MTHFD2L: variants seen among roughly 807,000 people sequenced by gnomAD.
MTHFD2L encodes the protein bifunctional methylenetetrahydrofolate dehydrogenase/cyclohydrolase 2, mitochondrial.
Under a neutral mutation model 34.9 loss-of-function variants are expected in MTHFD2L, and 29 were observed. The observed-to-expected ratio is 0.83, with a 90% CI of 0.62 to 1.13. MTHFD2L has a LOEUF of 1.13. MTHFD2L is among the 50% of genes most tolerant of loss of function. The probability of loss-of-function intolerance (pLI) is 0.00; values close to 1 mark genes in which losing one functional copy is unlikely to be tolerated. For synonymous variants in MTHFD2L, 167 were observed against 155.7 expected (o/e 1.07, Z -0.54); for missense variants, 481 against 446.5 (o/e 1.08, Z -0.70).
Position 74,225,288 on chromosome 4 carries a change from C to G in MTHFD2L, c.713-14C>G. The G allele has an allele frequency of 6.3e-7, 1 of 1,596,486 alleles. No individual in the cohort carries two copies. Among genetic ancestry groups the G allele is most frequent in the Non-Finnish European group, 8.5e-7 (1 of 1,170,112 alleles). On this transcript the variant is annotated splice_polypyrimidine_tract_variant and intron_variant, in intron 5 of 7. Transcript: ENST00000325278. ...AGTTCAGTAATCACTGATAGAAATT[C>G]TTCTGTATTCCAGGTGATGCAACTG...
intron 1 of MTHFD2L, among the ~76,000 whole-genome samples, chr4:74,165,315 C>A (rs1726444241): frequency 6.6e-6 from 1 of 152,058 alleles, no homozygotes; most frequent in African/African-American, 2.4e-5. Flanking sequence ...TCTTTTAACA[C>A]CTTGATCCTG....
chr4:74,158,762 T>C (rs1284078086), intron 1 of MTHFD2L, among the ~76,000 whole-genome samples: 6 of 152,212 alleles, frequency 3.9e-5, no homozygotes, highest in African/African-American at 1.4e-4. Flanking sequence ...CAAAACCAAA[T>C]ATCAATCCAG....
At chr4:74,228,388 A>T (rs902061546) in intron 6 of MTHFD2L, among the ~76,000 whole-genome samples, 15 of 152,236 alleles carry the variant, frequency 9.9e-5, no homozygotes, top group Admixed American at 2.0e-4. Flanking sequence ...TGAAGTTTAC[A>T]TTATCCTTAA....
At chr4:74,211,690 TGGCCTCATAAAATGA>T (rs1029332201) in intron 5 of MTHFD2L, among the ~76,000 whole-genome samples, 28 of 152,344 alleles carry the variant, frequency 1.8e-4, no homozygotes, top group African/African-American at 6.7e-4. Flanking sequence ...AGGATGATGC[TGGCCTCATAAAATGA>T]GTTAAGGGGG....
chr4:74,199,280 T>C (rs1734005983), intron 3 of MTHFD2L, among the ~76,000 whole-genome samples: 1 of 152,164 alleles, frequency 6.6e-6, no homozygotes, highest in African/African-American at 2.4e-5. Context: ...TGTGTGTGTG[T>C]GCGTGTGTGT....
chr4:74,173,742 A>G (rs537061), intron 1 of MTHFD2L, among the ~76,000 whole-genome samples: 23,631 of 152,212 alleles, frequency 0.16, 3,967 homozygotes, highest in African/African-American at 0.42. Flanking sequence ...CTCTTTAGAA[A>G]AAATAGCAGA....
intron 6 of MTHFD2L, among the ~76,000 whole-genome samples, chr4:74,257,494 C>G (rs28860006): frequency 6.6e-6 from 1 of 151,998 alleles, no homozygotes. Flanking sequence ...TAATAACAGA[C>G]AAAATAGACT....
chr4:74,201,462 A>G (rs886867959), intron 5 of MTHFD2L, 92 bp downstream of exon 5: 17 of 909,940 alleles, frequency 1.9e-5, no homozygotes, highest in Admixed American at 2.5e-5. Context: ...AGCTTATTAT[A>G]TTTGTGGGTT....
intron 6 of MTHFD2L, among the ~76,000 whole-genome samples, chr4:74,247,010 G>A (rs1328356444): frequency 6.7e-6 from 1 of 149,968 alleles, no homozygotes; most frequent in South Asian, 2.1e-4. Context: ...TTCCAATTCT[G>A]TGAAGAAAGT....
At chr4:74,220,631 C>G (rs759761080) in intron 5 of MTHFD2L, among the ~76,000 whole-genome samples, 1 of 151,678 alleles carries the variant, frequency 6.6e-6, no homozygotes, top group Non-Finnish European at 1.5e-5. Context: ...TTTTCTTTTA[C>G]TACATAGATT....
intron 6 of MTHFD2L, among the ~76,000 whole-genome samples, chr4:74,233,745 G>A (rs1457986222): frequency 1.3e-5 from 2 of 151,950 alleles, no homozygotes; most frequent in Admixed American, 6.6e-5. Flanking sequence ...GATCACCTCA[G>A]AACCATCACA....
intron 6 of MTHFD2L, among the ~76,000 whole-genome samples, chr4:74,258,139 A>C (rs1744254913): frequency 6.6e-6 from 1 of 152,154 alleles, no homozygotes; most frequent in Non-Finnish European, 1.5e-5. Context: ...TTAAATGTAA[A>C]TTGGTTAAGC....
intron 3 of MTHFD2L, among the ~76,000 whole-genome samples, chr4:74,190,991 C>G (rs1035765531): frequency 1.3e-5 from 2 of 152,114 alleles, no homozygotes; most frequent in Non-Finnish European, 2.9e-5. Flanking sequence ...ACCTCTGCCT[C>G]CTGGGTTCAA....
intron 1 of MTHFD2L, chr4:74,140,579 T>C (rs963455799): frequency 2.1e-6 from 2 of 973,786 alleles, no homozygotes; most frequent in South Asian, 4.8e-5. Context: ...AAAAAGGCAA[T>C]ATAATTCAAG....
intron 5 of MTHFD2L, among the ~76,000 whole-genome samples, chr4:74,216,290 G>C (rs1339379977): frequency 6.6e-6 from 1 of 151,718 alleles, no homozygotes; most frequent in African/African-American, 2.4e-5. Flanking sequence ...TAAACCAGCA[G>C]TTCTCAACTT....
At chr4:74,240,817 G>A (rs1456837927) in intron 6 of MTHFD2L, among the ~76,000 whole-genome samples, 1 of 152,118 alleles carries the variant, frequency 6.6e-6, no homozygotes, top group Non-Finnish European at 1.5e-5. Context: ...GTTTTCTGCA[G>A]CTGTTACTTT....
At chr4:74,122,506 A>G (rs116828463), upstream of MTHFD2L, among the ~76,000 whole-genome samples, 540 of 152,310 alleles carry the variant, frequency 3.5e-3, 3 homozygotes, top group African/African-American at 0.012. Flanking sequence ...GGGAATTACA[A>G]TTCAACTTGG....
upstream of MTHFD2L, among the ~76,000 whole-genome samples, chr4:74,120,388 A>G (rs746879745): frequency 1.3e-5 from 2 of 152,240 alleles, no homozygotes; most frequent in Non-Finnish European, 2.9e-5. Flanking sequence ...GCATGAGGAT[A>G]TGTTATGTGC....
intron 5 of MTHFD2L, among the ~76,000 whole-genome samples, 164 bp from the exon 6 acceptor site, chr4:74,225,138 G>A (rs1378093334): frequency 6.6e-6 from 1 of 152,016 alleles, no homozygotes; most frequent in African/African-American, 2.4e-5. Flanking sequence ...CAATATTTTG[G>A]TTCCTCTTGG....
Sources: allele counts gnomAD v4.1 joint callset (sites outside exome capture counted in the v4.1 genomes callset), GRCh38; gene constraint gnomAD v4.1.1; transcripts MANE v1.5; gene names NCBI Gene and HGNC (gene_info 2026-07-23, HGNC 2026-07-21).